MARCHF1: variants seen among roughly 807,000 people sequenced by gnomAD.
MARCHF1 encodes E3 ubiquitin-protein ligase MARCHF1.
Under a neutral mutation model 54.2 loss-of-function variants are expected in MARCHF1, and 40 were observed. The ratio of observed to expected loss-of-function variants is 0.74; its 90% CI spans 0.57 to 0.96. The LOEUF (loss-of-function observed/expected upper bound fraction) is 0.96, where lower values mean the gene tolerates loss of function less well. MARCHF1 is among the 40% of genes least tolerant of loss of function. The pLI, the probability that MARCHF1 is intolerant of heterozygous loss-of-function variation, is 0.00. For missense variants in MARCHF1, 586 were observed against 656.5 expected (o/e 0.89, Z 1.17); for synonymous variants, 236 against 236.3 (o/e 1.00, Z 0.01).
chr4:163,820,692 C>G (rs566954239), intron 4 of MARCHF1, among the ~76,000 whole-genome samples: 2 of 152,096 alleles, frequency 1.3e-5, no homozygotes, highest in Non-Finnish European at 2.9e-5. Context: ...TGGAAAGCTA[C>G]GGTGGTTTTA....
intron 2 of MARCHF1, among the ~76,000 whole-genome samples, chr4:164,054,204 G>T (rs1309098447): frequency 6.6e-6 from 1 of 151,734 alleles, no homozygotes; most frequent in East Asian, 1.9e-4. Context: ...TCAGAGAAAT[G>T]CAAATCAAAA....
chr4:164,151,620 CTTCCCCAAGGG>C (rs1250286632), intron 1 of MARCHF1, among the ~76,000 whole-genome samples: 1 of 152,170 alleles, frequency 6.6e-6, no homozygotes, highest in African/African-American at 2.4e-5. Flanking sequence ...GCTCCATCAT[CTTCCCCAAGGG>C]CTCAACCAAG....
chr4:164,187,890 T>C (rs1484789244), intron 1 of MARCHF1, among the ~76,000 whole-genome samples: 4 of 152,154 alleles, frequency 2.6e-5, no homozygotes, highest in South Asian at 2.1e-4. Flanking sequence ...CCATCTTTTT[T>C]TGACTCTTTA....
chr4:164,124,848 G>T (rs1243007827), intron 1 of MARCHF1, among the ~76,000 whole-genome samples: 2 of 152,022 alleles, frequency 1.3e-5, no homozygotes, highest in South Asian at 2.1e-4. Flanking sequence ...TATATACAAA[G>T]AATGAATAAG....
At chr4:163,853,621 A>G (rs910753197) in intron 4 of MARCHF1, among the ~76,000 whole-genome samples, 3 of 152,220 alleles carry the variant, frequency 2.0e-5, no homozygotes, top group African/African-American at 7.2e-5. Flanking sequence ...GAAAAAATAT[A>G]GAAAAATACA....
At chr4:163,706,490 T>C (rs919817589) in intron 4 of MARCHF1, among the ~76,000 whole-genome samples, 3 of 152,072 alleles carry the variant, frequency 2.0e-5, no homozygotes, top group Admixed American at 2.0e-4. Flanking sequence ...TATCCAGAAA[T>C]GCAATAACAG....
At chr4:164,234,292 A>AT (rs1732489612) in intron 1 of MARCHF1, among the ~76,000 whole-genome samples, 1 of 152,190 alleles carries the variant, frequency 6.6e-6, no homozygotes, top group South Asian at 2.1e-4. Context: ...AGACTTATGT[A>AT]TGATATGCTG....
intron 1 of MARCHF1, among the ~76,000 whole-genome samples, chr4:164,205,187 G>A (rs974429681): frequency 6.6e-6 from 1 of 152,046 alleles, no homozygotes; most frequent in African/African-American, 2.4e-5. Context: ...GTTAGTAATT[G>A]ACAGAAAAGA....
At chr4:163,754,553 TAGATTACTC>T (rs1746610920) in intron 4 of MARCHF1, among the ~76,000 whole-genome samples, 1 of 152,206 alleles carries the variant, frequency 6.6e-6, no homozygotes, top group South Asian at 2.1e-4. Context: ...TGATAAGATG[TAGATTACTC>T]AGATTACTGG....
At chr4:164,189,946 C>T in intron 1 of MARCHF1, 16 of 1,552,464 alleles carry the variant, frequency 1.0e-5, no homozygotes, top group Admixed American at 1.7e-5. Flanking sequence ...AATAAGATCA[C>T]AATTACCAAT....
intron 2 of MARCHF1, among the ~76,000 whole-genome samples, chr4:164,064,453 A>C (rs1332379815): frequency 1.3e-5 from 2 of 151,926 alleles, no homozygotes; most frequent in African/African-American, 4.8e-5. Flanking sequence ...TCTTGGCTTG[A>C]CTGTTGTTGG....
At chr4:163,793,169 A>G (rs974307565) in intron 4 of MARCHF1, among the ~76,000 whole-genome samples, 1 of 152,232 alleles carries the variant, frequency 6.6e-6, no homozygotes, top group African/African-American at 2.4e-5. Context: ...GTAGAAATAA[A>G]CAGGCAAAAA....
intron 1 of MARCHF1, among the ~76,000 whole-genome samples, chr4:164,275,258 T>C (rs1490180826): frequency 6.6e-6 from 1 of 152,074 alleles, no homozygotes; most frequent in African/African-American, 2.4e-5. Flanking sequence ...ATACGAGGAA[T>C]TGAGAATGAT....
chr4:163,628,203 T>C (rs1274026470), intron 5 of MARCHF1, among the ~76,000 whole-genome samples: 1 of 152,198 alleles, frequency 6.6e-6, no homozygotes, highest in Non-Finnish European at 1.5e-5. Context: ...ACACTTGTAA[T>C]TCAATAATAA....
chr4:164,096,581 T>A (rs562312745), intron 2 of MARCHF1, among the ~76,000 whole-genome samples: 9 of 146,566 alleles, frequency 6.1e-5, no homozygotes, highest in East Asian at 5.9e-4. Context: ...AAAAAAAAAA[T>A]TTAAAAAGTG....
intron 5 of MARCHF1, among the ~76,000 whole-genome samples, chr4:163,685,287 A>C (rs896020346): frequency 1.3e-5 from 2 of 152,100 alleles, no homozygotes; most frequent in African/African-American, 4.8e-5. Context: ...TGAAATGCAT[A>C]AATCTTAAAC....
rs1754233698 is a variant in MARCHF1, at chr4:164,045,971, G to T, written c.-247-57262C>A. Among the ~76,000 whole-genome samples, 4 of 152,158 alleles carry T rather than the reference G, an allele frequency of 2.6e-5. No homozygotes were observed. The South Asian group carries it at 8.3e-4, about 31-fold the overall frequency. On this transcript the variant is annotated intron_variant, in intron 2 of 9. Coordinates refer to ENST00000514618, the MANE Select transcript of MARCHF1 (RefSeq NM_001394959.1). ...TGTCACTTCATGGATGCTGGCAGAA[G>T]ACACAAGATTCCTAAATCAGAAACA...
At chr4:164,237,993 G>A (rs1450973887) in intron 1 of MARCHF1, among the ~76,000 whole-genome samples, 1 of 151,908 alleles carries the variant, frequency 6.6e-6, no homozygotes, top group Non-Finnish European at 1.5e-5. Context: ...TACATGGGAA[G>A]CTGTTATTTC....
chr4:164,380,343 A>C (rs1731331168), intron 1 of MARCHF1, among the ~76,000 whole-genome samples: 1 of 152,208 alleles, frequency 6.6e-6, no homozygotes, highest in Non-Finnish European at 1.5e-5. Flanking sequence ...GAATTTTCCA[A>C]ATCATTTTTG....
Sources: allele counts gnomAD v4.1 joint callset (sites outside exome capture counted in the v4.1 genomes callset), GRCh38; gene constraint gnomAD v4.1.1; transcripts MANE v1.5; gene names NCBI Gene and HGNC (gene_info 2026-07-23, HGNC 2026-07-21).